TMEM178B: variants seen among roughly 807,000 people sequenced by gnomAD.
The protein encoded by TMEM178B is transmembrane protein 178B.
A neutral mutation model predicts 31.0 loss-of-function variants in TMEM178B; 5 were observed. The observed-to-expected ratio is 0.16, with a 90% CI of 0.08 to 0.34. The LOEUF is 0.34. TMEM178B is among the 10% of genes least tolerant of loss of function. The pLI, the probability that TMEM178B is intolerant of heterozygous loss-of-function variation, is 1.00. For synonymous variants in TMEM178B, 164 were observed against 164.0 expected (o/e 1.00, Z 0.00); for missense variants, 275 against 400.3 (o/e 0.69, Z 2.67).
chr7:141,120,804 AT>A (rs58091278), intron 1 of TMEM178B, among the ~76,000 whole-genome samples: 11,421 of 151,474 alleles, frequency 0.075, 603 homozygotes, highest in South Asian at 0.24. Context: ...AAAAATAAAA[AT>A]AAAATAGCTG....
intron 2 of TMEM178B, among the ~76,000 whole-genome samples, chr7:141,385,421 T>C (rs1800414814): frequency 6.6e-6 from 1 of 152,178 alleles, no homozygotes; most frequent in South Asian, 2.1e-4. Context: ...TCAGGGATAG[T>C]CCACACAACC....
intron 2 of TMEM178B, among the ~76,000 whole-genome samples, chr7:141,258,161 CAT>C (rs56343433): frequency 0.15 from 22,603 of 146,614 alleles, 1,760 homozygotes; most frequent in South Asian, 0.22. Flanking sequence ...ATTATTATCT[CAT>C]ATATATATAT....
chr7:141,505,462 C>T, the TMEM178B span, among the ~76,000 whole-genome samples: 1 of 152,226 alleles, frequency 6.6e-6, no homozygotes, highest in Non-Finnish European at 1.5e-5. Context: ...AACTCAGCTC[C>T]CCTTGTGTCC....
chr7:141,330,368 A>G (rs1371129626), intron 2 of TMEM178B, among the ~76,000 whole-genome samples: 1 of 152,176 alleles, frequency 6.6e-6, no homozygotes, highest in Admixed American at 6.5e-5. Context: ...AAGTGAGAAC[A>G]TATGGTGTTT....
At chr7:141,231,058 G>A (rs986530557) in intron 2 of TMEM178B, among the ~76,000 whole-genome samples, 1 of 152,152 alleles carries the variant, frequency 6.6e-6, no homozygotes, top group African/African-American at 2.4e-5. Context: ...AGAAAGGAAA[G>A]CCCAGCAGCT....
At chr7:141,140,483 A>G (rs1007015148) in intron 1 of TMEM178B, among the ~76,000 whole-genome samples, 2 of 152,208 alleles carry the variant, frequency 1.3e-5, no homozygotes, top group Non-Finnish European at 2.9e-5. Flanking sequence ...CATAGTTCCT[A>G]TTTTTAACAT....
At chr7:141,216,446 T>C (rs1435292548) in intron 2 of TMEM178B, among the ~76,000 whole-genome samples, 3 of 53,424 alleles carry the variant, frequency 5.6e-5, no homozygotes, top group African/African-American at 9.0e-5. Context: ...TGTGTGTGTG[T>C]GTGCGCGCGC....
intron 2 of TMEM178B, among the ~76,000 whole-genome samples, chr7:141,423,740 T>C (rs1223628236): frequency 6.6e-6 from 1 of 152,156 alleles, no homozygotes; most frequent in Non-Finnish European, 1.5e-5. Flanking sequence ...CCATGCTTTG[T>C]TCCCATGGAC....
intron 2 of TMEM178B, among the ~76,000 whole-genome samples, chr7:141,244,312 G>A (rs528622055): frequency 7.2e-5 from 11 of 152,178 alleles, no homozygotes; most frequent in Admixed American, 1.3e-4. Context: ...GTACCCAAAT[G>A]ATACTATGGC....
chr7:141,104,727 T>G (rs1795113936), intron 1 of TMEM178B, among the ~76,000 whole-genome samples: 1 of 152,204 alleles, frequency 6.6e-6, no homozygotes, highest in Admixed American at 6.5e-5. Flanking sequence ...GAGGCCTCTC[T>G]CCTGGGCTTG....
intron 1 of TMEM178B, among the ~76,000 whole-genome samples, chr7:141,143,243 G>A (rs1193624880): frequency 6.6e-6 from 1 of 152,126 alleles, no homozygotes; most frequent in African/African-American, 2.4e-5. Flanking sequence ...GTGAATATTT[G>A]TTTTTGTAGC....
chr7:141,149,339 T>A (rs1248174539), intron 1 of TMEM178B, among the ~76,000 whole-genome samples: 1 of 152,164 alleles, frequency 6.6e-6, no homozygotes, highest in Non-Finnish European at 1.5e-5. Context: ...GGTGGATTGC[T>A]TGAGCTCAGG....
chr7:141,421,434 G>A (rs1801207816), intron 2 of TMEM178B, among the ~76,000 whole-genome samples: 1 of 152,118 alleles, frequency 6.6e-6, no homozygotes, highest in Non-Finnish European at 1.5e-5. Context: ...ACTGGCATTT[G>A]TGGTAGCACT....
At chr7:141,504,335 G>A in the TMEM178B span, among the ~76,000 whole-genome samples, 2 of 152,122 alleles carry the variant, frequency 1.3e-5, no homozygotes, top group Non-Finnish European at 2.9e-5. Context: ...CTTCAGTTTT[G>A]TTTGTTATTG....
intron 1 of TMEM178B, among the ~76,000 whole-genome samples, chr7:141,176,578 C>G (rs181179575): frequency 6.6e-6 from 1 of 152,092 alleles, no homozygotes; most frequent in Non-Finnish European, 1.5e-5. Context: ...GCTGTGAATC[C>G]GTCTGGTCCT....
Position 141,404,678 on chromosome 7 carries a change from A to G in TMEM178B, c.497-32930A>G, listed in dbSNP as rs113582242. 3.8e-3 allele frequency among the ~76,000 whole-genome samples: 583 copies of G among 152,356 alleles called. 6 individuals carry two copies. The highest frequency in any genetic ancestry group is 0.012 in the African/African-American group (508 of 41,586). On this transcript the variant is annotated intron_variant, in intron 2 of 3. Transcript: ENST00000565468. ...CAACTCTAATTAATTACATCTGCTA[A>G]GACCCTAGTTCCAAATAAGGTCACA... is the stretch of plus-strand genomic sequence containing the variant.
chr7:141,247,091 A>G (rs997601044), intron 2 of TMEM178B, among the ~76,000 whole-genome samples: 2 of 152,076 alleles, frequency 1.3e-5, no homozygotes, highest in African/African-American at 4.8e-5. Flanking sequence ...GTATGTGTGT[A>G]CATATGTATA....
chr7:141,303,557 T>C (rs1798764370), intron 2 of TMEM178B, among the ~76,000 whole-genome samples: 1 of 152,202 alleles, frequency 6.6e-6, no homozygotes, highest in Non-Finnish European at 1.5e-5. Context: ...CATGCTCAGC[T>C]GTGAGTGAGG....
At chr7:141,229,693 T>C (rs2129191303) in intron 2 of TMEM178B, among the ~76,000 whole-genome samples, 1 of 152,076 alleles carries the variant, frequency 6.6e-6, no homozygotes, top group Middle Eastern at 3.4e-3. Context: ...GAGGCCGAAG[T>C]AGAAGGATCA....
Sources: gnomAD v4.1 joint callset for allele counts (sites outside exome capture counted in the v4.1 genomes callset) on GRCh38, gnomAD v4.1.1 for gene constraint, MANE v1.5 for transcripts, NCBI Gene and HGNC (gene_info 2026-07-23, HGNC 2026-07-21) for gene names.